Variants in TF observed in about 807,000 individuals in gnomAD.
TF encodes serotransferrin.
Under a neutral mutation model 82.4 loss-of-function variants are expected in TF, and 55 were observed. The ratio of observed to expected loss-of-function variants is 0.67; its 90% confidence interval spans 0.54 to 0.84. The LOEUF is 0.84. Ranked by LOEUF, TF falls within the 40% of genes least tolerant of loss-of-function variation. The probability of loss-of-function intolerance (pLI) is 0.00; values close to 1 mark genes in which losing one functional copy is unlikely to be tolerated. For synonymous variants in TF, 332 were observed against 332.6 expected, an observed-to-expected ratio of 1.00 and a Z score of 0.02; for missense variants, 737 against 868.4, an observed-to-expected ratio of 0.85 and a Z score of 1.90.
chr3:133,674,109 G>T, the TF span, among the ~76,000 whole-genome samples: 1 of 152,154 alleles, frequency 6.6e-6, no homozygotes, highest in African/African-American at 2.4e-5. Context: ...CAAAACGTTG[G>T]GTATATGAGA....
At chr3:133,718,783 C>A in the TF span, among the ~76,000 whole-genome samples, 4 of 152,154 alleles carry the variant, frequency 2.6e-5, no homozygotes, top group Admixed American at 2.0e-4. Flanking sequence ...AAAGCAGGAA[C>A]GCTGAGGTGA....
At chr3:133,728,615 T>G in the TF span, among the ~76,000 whole-genome samples, 2 of 152,214 alleles carry the variant, frequency 1.3e-5, no homozygotes, top group African/African-American at 4.8e-5. Context: ...TCCTGTAGCT[T>G]GGAGTAGTTT....
intron 14 of TF, 103 bp from the exon 15 acceptor site, chr3:133,775,330 C>T (rs542263346): frequency 2.6e-5 from 32 of 1,226,694 alleles, no homozygotes; most frequent in South Asian, 7.3e-5. Context: ...CTTCTGCTGG[C>T]GAGAAGGCCC....
At position 133,783,259 on chromosome 3, in the gene TF, T is replaced by A. The variant is rs1327194476; in HGVS notation, c.*4639T>A. On this transcript the variant is annotated 3_prime_UTR_variant, in exon 17 of 17. Transcript: ENST00000402696. ...ATGACTGGAAAGGGTGGTAGTCACATGGAAATAATGAAGCAGAATAAAAGT... is the reference window on the plus strand; with the variant it reads ...ATGACTGGAAAGGGTGGTAGTCACAAGGAAATAATGAAGCAGAATAAAAGT... The A allele has an allele frequency of 1.3e-5, 2 of 152,290 alleles. No homozygotes were observed. Among genetic ancestry groups the A allele is most frequent in the East Asian group, 3.9e-4 (2 of 5,186 alleles). 9.4% of individuals were successfully genotyped at this position (152,290 alleles called of 1,614,324 possible).
In TF at chr3:133,769,200, C is replaced by T. The variant is rs573592530; in HGVS notation, c.1622+1036C>T. Among the ~76,000 whole-genome samples the T allele has an allele frequency of 4.6e-5, 7 of 152,224 alleles. No homozygotes were observed. The South Asian group carries it at 6.2e-4, about 14-fold the overall frequency. Reference sequence around the variant, plus strand: ...TGATGGTATTATAACTGAGCTTCCCCGTAATGATGTAAAAAACAAAGGTCA... The same window carrying T: ...TGATGGTATTATAACTGAGCTTCCCTGTAATGATGTAAAAAACAAAGGTCA... On this transcript the variant is annotated intron_variant, in intron 13 of 16. Coordinates refer to ENST00000402696, the MANE Select transcript of TF (RefSeq NM_001063.4).
intron 16 of TF, chr3:133,778,301 C>T (rs941246566): frequency 3.0e-5 from 11 of 367,216 alleles, no homozygotes; most frequent in Middle Eastern, 1.8e-3. Context: ...CGACTCCTGG[C>T]CTCAGGAACT....
rs1934526387 is a variant in TF at position 133,782,082 on chromosome 3, T to A, written c.*3462T>A. 1 of 152,114 alleles carries A rather than the reference T, an allele frequency of 6.6e-6. No individual in the cohort carries two copies. The highest frequency in any genetic ancestry group is 1.5e-5 in the Non-Finnish European group (1 of 68,014). The allele number at this position is 152,114 out of a possible 1,614,324, so 9.4% of individuals were successfully genotyped here. A position where few individuals can be genotyped will look rare whatever the true frequency, so the allele number is the denominator to read the frequency against. On this transcript the variant is annotated 3_prime_UTR_variant, in exon 17 of 17. Transcript: ENST00000402696. Reference sequence around the variant, plus strand: ...CACTAATCATAAGGGAAATGTGAATTGAAACCATTATGAGACACTAGATAA... The same window carrying A: ...CACTAATCATAAGGGAAATGTGAATAGAAACCATTATGAGACACTAGATAA...
At chr3:133,708,278 A>C in the TF span, among the ~76,000 whole-genome samples, 1 of 152,222 alleles carries the variant, frequency 6.6e-6, no homozygotes, top group African/African-American at 2.4e-5. Context: ...TCCACAATAT[A>C]TTATTGAGGA....
chr3:133,671,807 AAAAG>A, the TF span, among the ~76,000 whole-genome samples: 6 of 151,706 alleles, frequency 4.0e-5, no homozygotes, highest in South Asian at 4.2e-4. Context: ...AAAAAAAAAA[AAAAG>A]AAGAAGAAGA....
chr3:133,764,844 A>G lies in TF; in HGVS notation c.1298-31A>G, dbSNP rs1934087590. 6 of 1,610,226 alleles carry G rather than the reference A, an allele frequency of 3.7e-6. No individual in the cohort carries two copies. The South Asian group carries it at 6.6e-5, about 18-fold the overall frequency. On this transcript the variant is annotated intron_variant, in intron 10 of 16. Coordinates refer to ENST00000402696, the MANE Select transcript of TF (RefSeq NM_001063.4). ...TTTCCCAATCTATAAATCAGGGTTTAATGCCTTTTTCATTTTCTTTTCTCC... is the reference window on the plus strand; with the variant it reads ...TTTCCCAATCTATAAATCAGGGTTTGATGCCTTTTTCATTTTCTTTTCTCC...
In TF at chr3:133,778,584, A is replaced by T; in HGVS notation, c.2063-2A>T. The T allele has an allele frequency of 3.1e-6, 5 of 1,613,120 alleles. No individual in the cohort carries two copies. Among genetic ancestry groups the T allele is most frequent in the Non-Finnish European group, 4.2e-6 (5 of 1,179,354 alleles). ...ATCCTACCTCTCTGCTCTGCTCCAC[A>T]GCACTCCTGGAAGCCTGCACTTTCC... On this transcript the variant is annotated splice_acceptor_variant, in intron 16 of 16. Coordinates refer to ENST00000402696, the MANE Select transcript of TF (RefSeq NM_001063.4). LOFTEE classifies it high-confidence loss of function.
Position 133,746,499 on chromosome 3 carries a change from G to A in TF, c.43+16G>A. ...GCCGTCCTGGGTGAGTGCGGGCACG[G>A]GGTAGCACCGCAGAGTCGCTGGCCC... On this transcript the variant is annotated intron_variant, in intron 1 of 16. Transcript: ENST00000402696. 1 of 1,592,792 alleles carries A rather than the reference G, an allele frequency of 6.3e-7. No individual in the cohort carries two copies. The highest frequency in any genetic ancestry group is 8.5e-7 in the Non-Finnish European group (1 of 1,175,218).
the TF span, among the ~76,000 whole-genome samples, chr3:133,734,138 C>G: frequency 1.3e-5 from 2 of 152,156 alleles, no homozygotes; most frequent in Non-Finnish European, 2.9e-5. Flanking sequence ...AGTGTGAACT[C>G]ATGGTTGTGT....
the TF span, among the ~76,000 whole-genome samples, chr3:133,717,062 A>G: frequency 1.3e-5 from 2 of 152,214 alleles, no homozygotes; most frequent in Non-Finnish European, 2.9e-5. Flanking sequence ...TACCCTTGCC[A>G]ATACTTCATA....
At chr3:133,689,884 CAAAT>C in the TF span, among the ~76,000 whole-genome samples, 1 of 151,978 alleles carries the variant, frequency 6.6e-6, no homozygotes, top group Non-Finnish European at 1.5e-5. Context: ...TTTTATTTGA[CAAAT>C]AATAATTGTA....
At chr3:133,746,386 A>G (rs1933498030), upstream of TF, 1 of 1,562,228 alleles carries the variant, frequency 6.4e-7, no homozygotes, top group Non-Finnish European at 8.7e-7. Context: ...GGGGCGCCGG[A>G]GGCTGCACAG....
the TF span, among the ~76,000 whole-genome samples, chr3:133,676,296 A>C: frequency 6.6e-6 from 1 of 152,182 alleles, no homozygotes; most frequent in African/African-American, 2.4e-5. Flanking sequence ...GAGATACTGT[A>C]TCTAGTGGCA....
At chr3:133,666,102 G>A in the TF span, among the ~76,000 whole-genome samples, 1 of 152,126 alleles carries the variant, frequency 6.6e-6, no homozygotes, top group Non-Finnish European at 1.5e-5. Flanking sequence ...GGTTTTTTGA[G>A]TTATAGAGTT....
chr3:133,754,953 G>A (rs41298989), intron 4 of TF, among the ~76,000 whole-genome samples: 14 of 152,220 alleles, frequency 9.2e-5, no homozygotes, highest in Admixed American at 8.5e-4. Flanking sequence ...AGGCGATGGT[G>A]GTTCTCTTGT....
Sources: allele counts gnomAD v4.1 joint callset (sites outside exome capture counted in the v4.1 genomes callset), GRCh38; gene constraint gnomAD v4.1.1; transcripts MANE v1.5; gene names NCBI Gene and HGNC (gene_info 2026-07-23, HGNC 2026-07-21).